CDYL2: variants seen among roughly 807,000 people sequenced by gnomAD.
CDYL2 encodes the protein chromodomain Y-like protein 2.
In CDYL2, 23 loss-of-function variants were observed where a neutral mutation model predicts 49.4. That is an observed-to-expected ratio of 0.47 (90% confidence interval 0.34 to 0.66). The LOEUF (loss-of-function observed/expected upper bound fraction) is 0.66, where lower values mean the gene tolerates loss of function less well. CDYL2 is among the 30% of genes least tolerant of loss of function. CDYL2 has a pLI of 0.01. For missense variants in CDYL2, 678 were observed against 656.4 expected, an observed-to-expected ratio of 1.03 and a Z score of -0.36; for synonymous variants, 360 against 268.8, an observed-to-expected ratio of 1.34 and a Z score of -3.32.
chr16:80,769,115 G>C (rs1352721103), intron 1 of CDYL2, among the ~76,000 whole-genome samples: 1 of 152,072 alleles, frequency 6.6e-6, no homozygotes, highest in Admixed American at 6.6e-5. Context: ...CAGTCCCCCA[G>C]TCCATGGGCT....
chr16:80,799,953 G>A (rs1253279354), intron 1 of CDYL2, among the ~76,000 whole-genome samples: 3 of 152,182 alleles, frequency 2.0e-5, no homozygotes, highest in African/African-American at 7.2e-5. Flanking sequence ...GCTAGTACAT[G>A]TATTTCTTTG....
intron 1 of CDYL2, among the ~76,000 whole-genome samples, chr16:80,748,090 A>G (rs747088742): frequency 2.0e-5 from 3 of 150,972 alleles, no homozygotes; most frequent in Non-Finnish European, 4.4e-5. Context: ...CCATGGAGCC[A>G]GTTCACACTC....
At chr16:80,645,324 G>A (rs191837437) in intron 2 of CDYL2, among the ~76,000 whole-genome samples, 4 of 152,158 alleles carry the variant, frequency 2.6e-5, no homozygotes, top group African/African-American at 9.7e-5. Flanking sequence ...AGTGGGCGAA[G>A]GATATGAACA....
chr16:80,800,860 C>G (rs1285672986), intron 1 of CDYL2, among the ~76,000 whole-genome samples: 1 of 152,210 alleles, frequency 6.6e-6, no homozygotes, highest in East Asian at 1.9e-4. Flanking sequence ...TTCTTCCTGA[C>G]ACCCAAACAT....
At chr16:80,697,482 G>C (rs555612135) in intron 1 of CDYL2, among the ~76,000 whole-genome samples, 1 of 152,082 alleles carries the variant, frequency 6.6e-6, no homozygotes, top group Non-Finnish European at 1.5e-5. Context: ...ATCAGGAAAA[G>C]TTGGAAGCTT....
At chr16:80,654,626 G>A (rs1407514487) in intron 2 of CDYL2, among the ~76,000 whole-genome samples, 2 of 152,180 alleles carry the variant, frequency 1.3e-5, no homozygotes, top group Non-Finnish European at 2.9e-5. Context: ...AATGGCATTG[G>A]GAATCTTGGA....
intron 1 of CDYL2, among the ~76,000 whole-genome samples, chr16:80,691,019 T>C (rs943286732): frequency 2.0e-5 from 3 of 152,086 alleles, no homozygotes; most frequent in African/African-American, 7.2e-5. Context: ...GTGGGTTTAC[T>C]AGTACATGTC....
chr16:80,750,823 T>C (rs552257038), intron 1 of CDYL2, among the ~76,000 whole-genome samples: 28 of 152,170 alleles, frequency 1.8e-4, no homozygotes, highest in African/African-American at 6.5e-4. Flanking sequence ...ATCGAGACCA[T>C]CGTGGCTAAA....
At chr16:80,636,139 T>C (rs1343517201) in intron 2 of CDYL2, among the ~76,000 whole-genome samples, 1 of 152,130 alleles carries the variant, frequency 6.6e-6, no homozygotes, top group African/African-American at 2.4e-5. Context: ...ATTCAGGACA[T>C]AGGCATGGGC....
At chr16:80,608,016 C>T (rs1414801062) in intron 6 of CDYL2, 76 bp downstream of exon 6, 1 of 1,461,000 alleles carries the variant, frequency 6.8e-7, no homozygotes, top group Non-Finnish European at 9.1e-7. Context: ...TCAGTGAAGC[C>T]CTCTGAGCCT....
intron 1 of CDYL2, 45 bp from the exon 2 acceptor site, chr16:80,685,174 GA>G (rs1567570620): frequency 9.4e-6 from 14 of 1,494,202 alleles, no homozygotes; most frequent in Non-Finnish European, 1.3e-5. Flanking sequence ...AGAGAGGGAG[GA>G]AAAAACTCAG....
chr16:80,743,569 G>A (rs1905823476), intron 1 of CDYL2, among the ~76,000 whole-genome samples: 1 of 152,166 alleles, frequency 6.6e-6, no homozygotes, highest in African/African-American at 2.4e-5. Flanking sequence ...TCCCAGTGAA[G>A]CGGGATTGGC....
chr16:80,781,451 T>C (rs1047425734), intron 1 of CDYL2, among the ~76,000 whole-genome samples: 4 of 152,142 alleles, frequency 2.6e-5, no homozygotes, highest in African/African-American at 9.7e-5. Context: ...GAGACTTCAA[T>C]ATCCCATATT....
chr16:80,704,565 A>G (rs1904339643), intron 1 of CDYL2, among the ~76,000 whole-genome samples: 1 of 152,252 alleles, frequency 6.6e-6, no homozygotes, highest in African/African-American at 2.4e-5. Flanking sequence ...AAAGACGTTC[A>G]CCACCGGTGT....
chr16:80,605,066 A>T (rs1475828187), intron 6 of CDYL2, among the ~76,000 whole-genome samples: 1 of 150,402 alleles, frequency 6.6e-6, no homozygotes, highest in Non-Finnish European at 1.5e-5. Flanking sequence ...TATCACCTTC[A>T]TAATCATTAT....
chr16:80,721,874 A>G (rs1415635795), intron 1 of CDYL2, among the ~76,000 whole-genome samples: 3 of 151,962 alleles, frequency 2.0e-5, no homozygotes, highest in African/African-American at 4.8e-5. Context: ...CCTCTCCCCA[A>G]ACTCACTGAA....
chr16:80,803,157 T>C (rs889961380), intron 1 of CDYL2, among the ~76,000 whole-genome samples: 3 of 152,200 alleles, frequency 2.0e-5, no homozygotes, highest in African/African-American at 4.8e-5. Context: ...TGTCCACTTG[T>C]GGAAAACCCA....
chr16:80,741,308 T>C (rs1905727646), intron 1 of CDYL2, among the ~76,000 whole-genome samples: 1 of 151,728 alleles, frequency 6.6e-6, no homozygotes, highest in Non-Finnish European at 1.5e-5. Context: ...CTTATATCAT[T>C]AACCAACATG....
In CDYL2 at chr16:80,773,898, T is replaced by C. The variant is rs148069675; in HGVS notation, c.24+30252A>G. Among the ~76,000 whole-genome samples, 1,489 of 151,910 alleles carry C rather than the reference T, an allele frequency of 9.8e-3. 6 individuals carry two copies. The highest frequency in any genetic ancestry group is 0.015 in the Admixed American group (226 of 15,250). On this transcript the variant is annotated intron_variant, in intron 1 of 6. Transcript: ENST00000570137. ...TAAAACAAGCACAGAAAAAGTAGAA[T>C]GAAGAAAATAATAAAGATAAGAGCC... is the stretch of plus-strand genomic sequence containing the variant.
Sources: allele counts gnomAD v4.1 joint callset (sites outside exome capture counted in the v4.1 genomes callset), GRCh38; gene constraint gnomAD v4.1.1; transcripts MANE v1.5; gene names NCBI Gene and HGNC (gene_info 2026-07-23, HGNC 2026-07-21).